The following CCSER1 variants were observed in gnomAD, a reference collection of about 807,000 sequenced individuals.
CCSER1 encodes coiled-coil serine rich protein 1.
In CCSER1, 41 loss-of-function variants were observed where a neutral mutation model predicts 82.0. That is an observed-to-expected ratio of 0.50 (90% confidence interval 0.39 to 0.65). The LOEUF (loss-of-function observed/expected upper bound fraction) is 0.65. CCSER1 is among the 30% of genes least tolerant of loss of function. The probability of loss-of-function intolerance (pLI) is 0.00; values close to 1 mark genes in which losing one functional copy is unlikely to be tolerated. For synonymous variants in CCSER1, 414 were observed against 383.9 expected, an observed-to-expected ratio of 1.08 and a Z score of -0.92; for missense variants, 1,119 against 1,064.2, an observed-to-expected ratio of 1.05 and a Z score of -0.72.
chr4:90,868,520 C>A (rs1304348), intron 8 of CCSER1, among the ~76,000 whole-genome samples: 150,000 of 152,116 alleles, frequency 0.99, 73,965 homozygotes, highest in East Asian at 1. Flanking sequence ...TGTTGTTGCA[C>A]ATTACAGGAC....
chr4:90,468,136 A>G (rs895328935), intron 4 of CCSER1, 98 bp from the exon 5 acceptor site: 1 of 1,006,198 alleles, frequency 9.9e-7, no homozygotes, highest in African/African-American at 1.6e-5. Context: ...TTAGAATTAG[A>G]TCTTTTATTA....
intron 1 of CCSER1, among the ~76,000 whole-genome samples, chr4:90,276,306 CCTTTCTTTCTTT>C (rs1560930348): frequency 4.0e-5 from 4 of 101,248 alleles, no homozygotes; most frequent in African/African-American, 1.7e-4. Flanking sequence ...TTCCTTCCTT[CCTTTCTTTCTTT>C]TTCTTTCTTT....
At chr4:90,429,285 C>G (rs1473352029) in intron 4 of CCSER1, among the ~76,000 whole-genome samples, 1 of 151,572 alleles carries the variant, frequency 6.6e-6, no homozygotes, top group Non-Finnish European at 1.5e-5. Flanking sequence ...TTGTAGAAGT[C>G]CTCACATTAT....
At chr4:91,194,286 C>T (rs1405631308) in intron 10 of CCSER1, among the ~76,000 whole-genome samples, 3 of 152,106 alleles carry the variant, frequency 2.0e-5, no homozygotes, top group Non-Finnish European at 4.4e-5. Context: ...AATGTTGACT[C>T]TAAATCAATT....
intron 1 of CCSER1, among the ~76,000 whole-genome samples, chr4:90,258,874 G>C (rs538279830): frequency 1.3e-5 from 2 of 152,152 alleles, no homozygotes; most frequent in African/African-American, 4.8e-5. Context: ...TGCTGTTTTG[G>C]TAACTACAGC....
At chr4:91,221,352 T>C (rs574631833) in intron 10 of CCSER1, among the ~76,000 whole-genome samples, 2 of 152,296 alleles carry the variant, frequency 1.3e-5, no homozygotes, top group South Asian at 2.1e-4. Context: ...AATTTCCTTA[T>C]TGAAAACAGT....
At chr4:90,636,407 A>C (rs1226841122) in intron 6 of CCSER1, among the ~76,000 whole-genome samples, 2 of 152,020 alleles carry the variant, frequency 1.3e-5, no homozygotes, top group Non-Finnish European at 2.9e-5. Context: ...TATTAAAAAA[A>C]ATTGGCAAAA....
At chr4:90,889,682 T>G (rs190798226) in intron 8 of CCSER1, among the ~76,000 whole-genome samples, 1 of 152,278 alleles carries the variant, frequency 6.6e-6, no homozygotes, top group African/African-American at 2.4e-5. Context: ...TAAAATGGAA[T>G]ATTATTCAGC....
intron 7 of CCSER1, among the ~76,000 whole-genome samples, chr4:90,779,410 TTA>T (rs1753440929): frequency 1.3e-5 from 2 of 150,288 alleles, no homozygotes; most frequent in South Asian, 4.2e-4. Context: ...TCATCATACT[TTA>T]AAAAAAAAAA....
At chr4:91,512,243 T>C (rs1370971556) in intron 10 of CCSER1, among the ~76,000 whole-genome samples, 1 of 152,180 alleles carries the variant, frequency 6.6e-6, no homozygotes, top group Non-Finnish European at 1.5e-5. Flanking sequence ...CCACCCTCAA[T>C]CTGGATGGGT....
chr4:90,302,399 G>C (rs974061015), intron 1 of CCSER1, among the ~76,000 whole-genome samples: 1 of 152,170 alleles, frequency 6.6e-6, no homozygotes, highest in Admixed American at 6.5e-5. Flanking sequence ...CAACTTGGAA[G>C]AGGCAATGTT....
chr4:90,301,688 C>T (rs1008822403), intron 1 of CCSER1, among the ~76,000 whole-genome samples: 1 of 151,754 alleles, frequency 6.6e-6, no homozygotes, highest in Non-Finnish European at 1.5e-5. Context: ...ATTTTTAAGA[C>T]CTATTATTAT....
chr4:90,616,344 C>T (rs1721192420), intron 5 of CCSER1, among the ~76,000 whole-genome samples: 1 of 151,624 alleles, frequency 6.6e-6, no homozygotes, highest in African/African-American at 2.4e-5. Context: ...TTAAAATTTC[C>T]AGTATGTTAC....
chr4:91,018,505 A>G (rs934441790), intron 9 of CCSER1, among the ~76,000 whole-genome samples: 2 of 152,196 alleles, frequency 1.3e-5, no homozygotes, highest in Middle Eastern at 3.4e-3. Flanking sequence ...GCTAAAATTT[A>G]TATTTGGCCA....
intron 5 of CCSER1, among the ~76,000 whole-genome samples, chr4:90,620,054 C>T (rs1359212914): frequency 6.6e-6 from 1 of 151,968 alleles, no homozygotes; most frequent in African/African-American, 2.4e-5. Flanking sequence ...GATACTTTCT[C>T]TAAAATTTTG....
chr4:90,737,069 T>A (rs946979212), intron 7 of CCSER1, among the ~76,000 whole-genome samples: 7 of 152,190 alleles, frequency 4.6e-5, no homozygotes, highest in African/African-American at 1.7e-4. Flanking sequence ...ATACTAACTA[T>A]GTCTTGAAAA....
intron 4 of CCSER1, among the ~76,000 whole-genome samples, chr4:90,425,073 GCATCAGTGTC>G (rs1257634856): frequency 6.6e-6 from 1 of 152,038 alleles, no homozygotes; most frequent in Non-Finnish European, 1.5e-5. Flanking sequence ...CCTTGGTCTG[GCATCAGTGTC>G]CATTAGTGCC....
chr4:90,728,003 C>A (rs2149390744), intron 7 of CCSER1, among the ~76,000 whole-genome samples: 1 of 152,228 alleles, frequency 6.6e-6, no homozygotes, highest in South Asian at 2.1e-4. Context: ...TTCAAAAGTA[C>A]ACAAAGGCAT....
intron 7 of CCSER1, among the ~76,000 whole-genome samples, chr4:90,807,561 C>G (rs1757681190): frequency 6.6e-6 from 1 of 151,940 alleles, no homozygotes; most frequent in Non-Finnish European, 1.5e-5. Context: ...CATAAAGCAA[C>G]TCCATCTCAA....
Sources: allele counts gnomAD v4.1 joint callset (sites outside exome capture counted in the v4.1 genomes callset), GRCh38; gene constraint gnomAD v4.1.1; transcripts MANE v1.5; gene names NCBI Gene and HGNC (gene_info 2026-07-23, HGNC 2026-07-21).